RAD50: variants seen among roughly 807,000 people sequenced by gnomAD.
RAD50 encodes RAD50 double strand break repair protein, also known as DNA repair protein RAD50.
Under a neutral mutation model 168.8 loss-of-function variants are expected in RAD50, and 132 were observed. The ratio of observed to expected loss-of-function variants is 0.78; its 90% CI spans 0.68 to 0.90. The LOEUF is 0.90. Among genes scored for constraint, RAD50 ranks in the 40% least tolerant of loss-of-function variants. The pLI, the probability that RAD50 is intolerant of heterozygous loss-of-function variation, is 0.00. For missense variants in RAD50, 1,347 were observed against 1,534.4 expected (o/e 0.88, Z 2.04); for synonymous variants, 525 against 497.4 (o/e 1.06, Z -0.74).
intron 2 of RAD50, among the ~76,000 whole-genome samples, chr5:132,570,520 TTA>T (rs1315945146): frequency 1.3e-5 from 2 of 152,226 alleles, no homozygotes; most frequent in South Asian, 2.1e-4. Context: ...CCTCGCACTT[TTA>T]TGTTGTGGAG....
At position 132,616,014 on chromosome 5, in the gene RAD50, G is replaced by T. The variant is rs373984280; in HGVS notation, c.3048G>T (p.Arg1016Ser). Residue 1016 changes from arginine (R) to serine (S), a missense_variant, in exon 20 of 25, where the codon AGG (arginine) becomes AGT (serine). Physicochemically the swap from Arg to Ser is moderately radical, Grantham distance 110. Transcript: ENST00000378823. Reference sequence around the variant, plus strand: ...ATGTTTACCTTTAGATACAAGAAAGGTGGCTACAAGATAACCTTACTTTAA... The same window carrying T: ...ATGTTTACCTTTAGATACAAGAAAGTTGGCTACAAGATAACCTTACTTTAA... ...QDIDTQKIQE[R>S]WLQDNLTLRK... 4.4e-6 allele frequency: 7 copies of T among 1,582,834 alleles called. No individual in the cohort carries two copies. In the African/African-American group the frequency reaches 8.1e-5, roughly 18 times the overall value.
intron 19 of RAD50, among the ~76,000 whole-genome samples, chr5:132,610,607 C>T (rs894105291): frequency 6.6e-6 from 1 of 152,046 alleles, no homozygotes; most frequent in Non-Finnish European, 1.5e-5. Context: ...AGATTAGTTA[C>T]ATTAGTTTTC....
chr5:132,591,194 A>C, intron 9 of RAD50, 30 bp from the exon 10 acceptor site: 1 of 1,565,170 alleles, frequency 6.4e-7, no homozygotes, highest in Non-Finnish European at 8.8e-7. Flanking sequence ...AATATATAAC[A>C]CCTTTGCATT....
At chr5:132,566,028 A>T (rs2706344) in intron 2 of RAD50, among the ~76,000 whole-genome samples, 7 of 152,112 alleles carry the variant, frequency 4.6e-5, no homozygotes, top group African/African-American at 1.4e-4. Flanking sequence ...ATGGTTTTAC[A>T]ACTAGATTGT....
intron 22 of RAD50, among the ~76,000 whole-genome samples, chr5:132,637,621 C>T (rs1319008809): frequency 2.6e-5 from 4 of 151,952 alleles, no homozygotes; most frequent in African/African-American, 9.7e-5. Flanking sequence ...CCTCCACCTC[C>T]TGGGTTCAGG....
chr5:132,569,848 T>G (rs1750270094), intron 2 of RAD50, among the ~76,000 whole-genome samples: 1 of 151,960 alleles, frequency 6.6e-6, no homozygotes, highest in South Asian at 2.1e-4. Flanking sequence ...AATTGAAAAA[T>G]TAAGCAGCAT....
chr5:132,571,440 T>G (rs574308675), intron 2 of RAD50, among the ~76,000 whole-genome samples: 1 of 152,306 alleles, frequency 6.6e-6, no homozygotes, highest in Admixed American at 6.5e-5. Context: ...TCTCTGCATC[T>G]CTCCCTCAAA....
chr5:132,611,386 C>T (rs555910392), intron 19 of RAD50, among the ~76,000 whole-genome samples: 12 of 141,058 alleles, frequency 8.5e-5, no homozygotes, highest in African/African-American at 2.6e-4. Flanking sequence ...AGTGAAACTC[C>T]GTCTCAAACA....
intron 5 of RAD50, among the ~76,000 whole-genome samples, chr5:132,582,401 A>C (rs1403367587): frequency 6.8e-6 from 1 of 146,144 alleles, no homozygotes; most frequent in Non-Finnish European, 1.5e-5. Flanking sequence ...ATGACTTCCA[A>C]AGTCCTTTTT....
intron 1 of RAD50, 52 bp downstream of exon 1, chr5:132,557,505 A>T: frequency 1.2e-6 from 2 of 1,608,754 alleles, no homozygotes; most frequent in East Asian, 2.2e-5. Context: ...TCTTTCGGAG[A>T]ATAAAATGGG....
intron 5 of RAD50, among the ~76,000 whole-genome samples, chr5:132,580,793 C>A (rs143041630): frequency 6.6e-6 from 1 of 152,220 alleles, no homozygotes; most frequent in East Asian, 1.9e-4. Context: ...AACTGCACCC[C>A]TGTCCTTAAG....
intron 5 of RAD50, among the ~76,000 whole-genome samples, chr5:132,581,927 T>C (rs1750512259): frequency 6.6e-6 from 1 of 152,064 alleles, no homozygotes; most frequent in Non-Finnish European, 1.5e-5. Flanking sequence ...AGCATCTTGG[T>C]TGGAGAGATG....
At chr5:132,613,128 C>CA (rs1490169299) in intron 19 of RAD50, among the ~76,000 whole-genome samples, 1 of 151,978 alleles carries the variant, frequency 6.6e-6, no homozygotes, top group East Asian at 1.9e-4. Context: ...AGGTGACCAG[C>CA]TGCATGCATT....
chr5:132,602,198 G>T (rs1750901687), intron 13 of RAD50, among the ~76,000 whole-genome samples: 1 of 152,056 alleles, frequency 6.6e-6, no homozygotes, highest in African/African-American at 2.4e-5. Context: ...GGCATTTCTT[G>T]GTCATAGTTT....
Position 132,644,571 on chromosome 5 carries a change from C to T in RAD50, c.*2207C>T, listed in dbSNP as rs190775409. ...TTTACAAACTGCTTAGAACTGCTTG[C>T]CACCTACTAAATACTGTGTAAGTGT... On this transcript the variant is annotated 3_prime_UTR_variant, in exon 25 of 25. Coordinates refer to ENST00000378823, the MANE Select transcript of RAD50 (RefSeq NM_005732.4). 8.0e-4 allele frequency: 147 copies of T among 183,572 alleles called. 2 individuals are homozygous for T. Among genetic ancestry groups the T allele is most frequent in the African/African-American group, 3.1e-3 (134 of 42,646 alleles). 11.4% of individuals were successfully genotyped at this position (183,572 alleles called of 1,614,324 possible). A position where few individuals can be genotyped will look rare whatever the true frequency, so the allele number is the denominator to read the frequency against.
At chr5:132,559,659 T>C (rs1206389101) in intron 2 of RAD50, among the ~76,000 whole-genome samples, 1 of 152,224 alleles carries the variant, frequency 6.6e-6, no homozygotes, top group African/African-American at 2.4e-5. Context: ...GTTTGGTATG[T>C]AAGTGTTTCT....
In RAD50 at chr5:132,618,448, A is replaced by G. The variant is rs140257448; in HGVS notation, c.3389+154A>G. On this transcript the variant is annotated intron_variant, in intron 21 of 24. Transcript: ENST00000378823. ...GGCTGGAGTGCAATGGCACGATCTC[A>G]GCTCACTGCAACCTCTGCCTCCCGG... Among the ~76,000 whole-genome samples, 7,220 of 152,016 alleles carry G rather than the reference A, an allele frequency of 0.047. 563 individuals are homozygous for G. The highest frequency in any genetic ancestry group is 0.17 in the African/African-American group (6,860 of 41,440).
Position 132,557,464 on chromosome 5 carries a change from A to T in RAD50, c.129+11A>T. 1.2e-6 allele frequency: 2 copies of T among 1,614,164 alleles called. No homozygotes were observed. Among genetic ancestry groups the T allele is most frequent in the Non-Finnish European group, 1.7e-6 (2 of 1,179,954 alleles). Reference sequence around the variant, plus strand: ...GGGGCGGGAAAGACGGTAAGTCTTCAGTAGCCGCCTTCAGTTTACAGGTCG... The same window carrying T: ...GGGGCGGGAAAGACGGTAAGTCTTCTGTAGCCGCCTTCAGTTTACAGGTCG... On this transcript the variant is annotated intron_variant, in intron 1 of 24. Transcript: ENST00000378823.
intron 12 of RAD50, chr5:132,595,357 T>C (rs1173523241): frequency 1.0e-5 from 5 of 498,830 alleles, no homozygotes; most frequent in East Asian, 3.4e-5. Flanking sequence ...GTTATACTTA[T>C]AATGTGTTAC....
Sources: allele counts gnomAD v4.1 joint callset (sites outside exome capture counted in the v4.1 genomes callset), GRCh38; gene constraint gnomAD v4.1.1; transcripts MANE v1.5; gene names NCBI Gene and HGNC (gene_info 2026-07-23, HGNC 2026-07-21).